Variants in TUSC3 observed in about 807,000 individuals in gnomAD.
TUSC3 encodes dolichyl-diphosphooligosaccharide--protein glycosyltransferase subunit TUSC3.
A neutral mutation model predicts 44.8 loss-of-function variants in TUSC3; 45 were observed. That is an observed-to-expected ratio of 1.00 (90% CI 0.79 to 1.29). The LOEUF (loss-of-function observed/expected upper bound fraction) is 1.29. Among genes scored for constraint, TUSC3 ranks in the 50% most tolerant of loss-of-function variants. The probability of loss-of-function intolerance (pLI) is 0.00; values close to 1 mark genes in which losing one functional copy is unlikely to be tolerated. For missense variants in TUSC3, 519 were observed against 437.9 expected, an observed-to-expected ratio of 1.19 and a Z score of -1.65; for synonymous variants, 212 against 152.9, an observed-to-expected ratio of 1.39 and a Z score of -2.85.
At position 15,758,021 on chromosome 8, in the gene TUSC3, C is replaced by T. The variant is rs572388381; in HGVS notation, c.*46+166C>T. On this transcript the variant is annotated intron_variant, in intron 10 of 10. Coordinates refer to ENST00000503731, the MANE Select transcript of TUSC3 (RefSeq NM_006765.4). ...TCCAGTCTTACATTATTATGTTTAT[C>T]TGCCACAGGGAGAAGTCCTCAGATA... 2.6e-5 allele frequency: 37 copies of T among 1,422,244 alleles called. No homozygotes were observed. In the South Asian group the frequency reaches 5.2e-4, roughly 20 times the overall value. The allele number at this position is 1,422,244 out of a possible 1,614,324, so 88.1% of individuals were successfully genotyped here. A position where few individuals can be genotyped will look rare whatever the true frequency, so the allele number is the denominator to read the frequency against.
chr8:15,808,971 T>C, the TUSC3 span, among the ~76,000 whole-genome samples: 1 of 152,144 alleles, frequency 6.6e-6, no homozygotes, highest in Non-Finnish European at 1.5e-5. Context: ...TGTACAGTAG[T>C]ACCCCTGTAA....
intron 1 of TUSC3, among the ~76,000 whole-genome samples, chr8:15,452,539 C>T (rs911296956): frequency 6.6e-6 from 1 of 151,968 alleles, no homozygotes; most frequent in African/African-American, 2.4e-5. Context: ...CTGTGGAGCC[C>T]TAATTAGGGA....
intron 1 of TUSC3, among the ~76,000 whole-genome samples, chr8:15,613,111 G>C (rs1053114975): frequency 6.7e-6 from 1 of 149,408 alleles, no homozygotes; most frequent in Non-Finnish European, 1.5e-5. Context: ...GTGTTTGTGT[G>C]TGTGTACACA....
chr8:15,432,090 G>A (rs1585786075), intron 1 of TUSC3, among the ~76,000 whole-genome samples: 1 of 151,674 alleles, frequency 6.6e-6, no homozygotes, highest in Non-Finnish European at 1.5e-5. Context: ...CATTGTTCTT[G>A]TCTGGCTTTG....
intron 6 of TUSC3, among the ~76,000 whole-genome samples, chr8:15,696,758 T>TG (rs1469866173): frequency 6.6e-6 from 1 of 152,198 alleles, no homozygotes; most frequent in African/African-American, 2.4e-5. Flanking sequence ...GTTTTCTTTT[T>TG]TGGTTATGTC....
intron 6 of TUSC3, among the ~76,000 whole-genome samples, chr8:15,702,644 C>T (rs1809453183): frequency 2.0e-5 from 3 of 152,138 alleles, no homozygotes; most frequent in African/African-American, 4.8e-5. Flanking sequence ...TCCAGTTTGT[C>T]GGTGTCACCA....
upstream of TUSC3, among the ~76,000 whole-genome samples, chr8:15,538,102 C>T (rs902175305): frequency 6.6e-6 from 1 of 152,172 alleles, no homozygotes; most frequent in Admixed American, 6.5e-5. Flanking sequence ...AAACAGCCAA[C>T]AGGATGACTG....
the TUSC3 span, among the ~76,000 whole-genome samples, chr8:15,817,784 G>A: frequency 6.6e-6 from 1 of 152,144 alleles, no homozygotes; most frequent in African/African-American, 2.4e-5. Flanking sequence ...TGTGACAGCA[G>A]ACTAATACAC....
intron 2 of TUSC3, among the ~76,000 whole-genome samples, chr8:15,512,006 C>G (rs1801143174): frequency 6.6e-6 from 1 of 152,130 alleles, no homozygotes; most frequent in African/African-American, 2.4e-5. Flanking sequence ...TAGAAATTGA[C>G]AAGCTGATTC....
chr8:15,634,872 G>A (rs1274818281), intron 2 of TUSC3, among the ~76,000 whole-genome samples: 1 of 152,160 alleles, frequency 6.6e-6, no homozygotes, highest in Non-Finnish European at 1.5e-5. Flanking sequence ...AGAGATATAA[G>A]GGCATTTCAA....
intron 2 of TUSC3, among the ~76,000 whole-genome samples, chr8:15,525,683 G>A (rs971411649): frequency 1.3e-5 from 2 of 152,132 alleles, no homozygotes; most frequent in Non-Finnish European, 2.9e-5. Flanking sequence ...CATGGTGGTT[G>A]GAGGATTCTT....
chr8:15,512,721 T>A (rs1336714776), intron 2 of TUSC3, among the ~76,000 whole-genome samples: 1 of 151,550 alleles, frequency 6.6e-6, no homozygotes, highest in African/African-American at 2.4e-5. Flanking sequence ...TGCAGTGAGC[T>A]GAGATTGCAG....
intron 1 of TUSC3, among the ~76,000 whole-genome samples, chr8:15,477,672 A>T (rs1438614926): frequency 6.6e-6 from 1 of 152,124 alleles, no homozygotes; most frequent in Non-Finnish European, 1.5e-5. Context: ...CAGTGAGCCA[A>T]GATTGTGTAC....
intron 1 of TUSC3, among the ~76,000 whole-genome samples, chr8:15,617,093 A>G (rs893099251): frequency 2.2e-5 from 3 of 135,218 alleles, no homozygotes; most frequent in African/African-American, 5.4e-5. Context: ...ATACAAGTCT[A>G]TATTTGTTTC....
Position 15,588,726 on chromosome 8 carries a change from T to C in TUSC3, c.139-34354T>C, listed in dbSNP as rs189101763. ...AGTCATTATATTTTGAGTTAATTTT[T>C]GTATATGGTGAGAGACAGGGTCCAG... On this transcript the variant is annotated intron_variant, in intron 1 of 10. Transcript: ENST00000503731. 3.5e-3 allele frequency among the ~76,000 whole-genome samples: 539 copies of C among 152,312 alleles called. 3 individuals carry two copies. The highest frequency in any genetic ancestry group is 0.012 in the African/African-American group (492 of 41,570).
At chr8:15,848,131 C>CA in the TUSC3 span, among the ~76,000 whole-genome samples, 1 of 152,128 alleles carries the variant, frequency 6.6e-6, no homozygotes, top group African/African-American at 2.4e-5. Context: ...CTCCTTCCCC[C>CA]CGAGTGAAGT....
intron 2 of TUSC3, among the ~76,000 whole-genome samples, chr8:15,628,310 T>A (rs1361766760): frequency 6.6e-6 from 1 of 152,196 alleles, no homozygotes; most frequent in Admixed American, 6.5e-5. Flanking sequence ...CATAACATAC[T>A]GTTAAATGGT....
chr8:15,837,720 A>C, the TUSC3 span, among the ~76,000 whole-genome samples: 5 of 152,174 alleles, frequency 3.3e-5, no homozygotes, highest in Non-Finnish European at 5.9e-5. Context: ...CAAATTGACT[A>C]AATTTTTTTA....
At chr8:15,612,052 G>T (rs1342970819) in intron 1 of TUSC3, among the ~76,000 whole-genome samples, 2 of 152,134 alleles carry the variant, frequency 1.3e-5, no homozygotes, top group Admixed American at 6.6e-5. Context: ...AACAGAAGGG[G>T]TCATGATATT....
Sources: gnomAD v4.1 joint callset for allele counts (sites outside exome capture counted in the v4.1 genomes callset) on GRCh38, gnomAD v4.1.1 for gene constraint, MANE v1.5 for transcripts, NCBI Gene and HGNC (gene_info 2026-07-23, HGNC 2026-07-21) for gene names.